Variants in EFHC2 observed in about 807,000 individuals in gnomAD.
The protein encoded by EFHC2 is EF-hand domain-containing family member C2.
In EFHC2, 18 loss-of-function variants were observed where a neutral mutation model predicts 52.7. The observed-to-expected ratio is 0.34, with a 90% confidence interval of 0.24 to 0.51. The LOEUF (loss-of-function observed/expected upper bound fraction) is 0.51, where lower values mean the gene tolerates loss of function less well. EFHC2 is among the 20% of genes least tolerant of loss of function. The probability of loss-of-function intolerance (pLI) is 0.97; values close to 1 mark genes in which losing one functional copy is unlikely to be tolerated. For synonymous variants in EFHC2, 203 were observed against 204.1 expected (o/e 0.99, Z 0.04); for missense variants, 513 against 562.5 (o/e 0.91, Z 0.89).
chrX:44,191,027 A>T (rs1011824740), intron 11 of EFHC2, among the ~76,000 whole-genome samples: 6 of 111,788 alleles, frequency 5.4e-5, no homozygotes, highest in Non-Finnish European at 7.5e-5. Flanking sequence ...ATAAAAACTC[A>T]TCAAGTCTAT....
At chrX:44,298,466 T>C (rs1337473179) in intron 2 of EFHC2, among the ~76,000 whole-genome samples, 5 of 111,548 alleles carry the variant, frequency 4.5e-5, no homozygotes, top group Admixed American at 9.6e-5. Flanking sequence ...ATTGGGGGAA[T>C]AAGGGAACCT....
intron 13 of EFHC2, among the ~76,000 whole-genome samples, chrX:44,172,964 G>A (rs1465088103): frequency 9.0e-6 from 1 of 111,513 alleles, no homozygotes; most frequent in Non-Finnish European, 1.9e-5. Flanking sequence ...AGGGGCTGAG[G>A]TAACCAGGTA....
At chrX:44,156,259 G>C (rs1249643691) in intron 14 of EFHC2, among the ~76,000 whole-genome samples, 1 of 112,025 alleles carries the variant, frequency 8.9e-6, no homozygotes, top group African/African-American at 3.2e-5. Flanking sequence ...GTATGTGTTT[G>C]CCAGTTATTT....
chrX:44,301,743 T>C (rs774876394), intron 2 of EFHC2, among the ~76,000 whole-genome samples: 1 of 112,061 alleles, frequency 8.9e-6, no homozygotes, highest in African/African-American at 3.2e-5. Flanking sequence ...TTGCCTTTTC[T>C]AGGATTTCAT....
intron 2 of EFHC2, among the ~76,000 whole-genome samples, chrX:44,280,030 TACACACACAC>T (rs766337222): frequency 6.0e-5 from 4 of 66,832 alleles, no homozygotes; most frequent in African/African-American, 1.8e-4. Flanking sequence ...CCATCCCCCA[TACACACACAC>T]ACACACACAC....
chrX:44,245,972 G>A lies in EFHC2; in HGVS notation c.1111+2300C>T, dbSNP rs745924111. 2.1e-4 allele frequency among the ~76,000 whole-genome samples: 23 copies of A among 111,448 alleles called. No individual in the cohort carries two copies. The South Asian group carries it at 7.8e-3, about 38-fold the overall frequency. On this transcript the variant is annotated intron_variant, in intron 7 of 14. Transcript: ENST00000420999. ...GCTGCTTGTCAGATCCTTCCTGCGT[G>A]CTGCACAGTGGAGATACCCAGGTTT...
chrX:44,310,971 C>G (rs2037944177), intron 2 of EFHC2, among the ~76,000 whole-genome samples: 1 of 112,025 alleles, frequency 8.9e-6, no homozygotes, highest in Admixed American at 9.5e-5. Flanking sequence ...TACATTGTGG[C>G]CTACGATACT....
chrX:44,280,221 A>G (rs901673043), intron 2 of EFHC2, among the ~76,000 whole-genome samples: 4 of 111,099 alleles, frequency 3.6e-5, no homozygotes, highest in African/African-American at 1.3e-4. Context: ...ACAAGCAAAC[A>G]GAATTTAATA....
intron 9 of EFHC2, among the ~76,000 whole-genome samples, chrX:44,234,208 A>C (rs781261410): frequency 8.9e-6 from 1 of 111,987 alleles, no homozygotes; most frequent in African/African-American, 3.2e-5. Flanking sequence ...GATAATAGTA[A>C]GTTCTCAATC....
intron 2 of EFHC2, among the ~76,000 whole-genome samples, chrX:44,306,309 C>A (rs1414787616): frequency 5.4e-5 from 6 of 111,272 alleles, no homozygotes; most frequent in African/African-American, 2.0e-4. Flanking sequence ...GTAAATGGAC[C>A]CAGTTTGGTT....
At chrX:44,309,768 A>G (rs2037932357) in intron 2 of EFHC2, 8 of 991,504 alleles carry the variant, frequency 8.1e-6, no homozygotes, top group Non-Finnish European at 1.0e-5. Context: ...CAAAAGAACC[A>G]GAAAAGAAGA....
intron 1 of EFHC2, among the ~76,000 whole-genome samples, chrX:44,315,136 G>A (rs776166873): frequency 9.1e-6 from 1 of 110,387 alleles, no homozygotes; most frequent in South Asian, 3.9e-4. Context: ...GTTTAAAAGA[G>A]TCTGGGACCT....
intron 10 of EFHC2, among the ~76,000 whole-genome samples, chrX:44,230,368 G>A (rs766877935): frequency 4.4e-4 from 49 of 111,491 alleles, no homozygotes; most frequent in South Asian, 1.5e-3. Flanking sequence ...ACATAAGGTC[G>A]TAAATAATTA....
chrX:44,322,848 G>C (rs752591812), intron 1 of EFHC2, among the ~76,000 whole-genome samples: 27 of 110,849 alleles, frequency 2.4e-4, no homozygotes, highest in Middle Eastern at 9.3e-3. Context: ...CCCCGTCTCT[G>C]CTAAAAATAC....
rs2037287572 is a variant in EFHC2 at position 44,232,666 on chromosome X, C to T, written c.1435G>A (p.Gly479Arg). 1.7e-6 allele frequency: 2 copies of T among 1,190,310 alleles called. No homozygotes were observed. The highest frequency in any genetic ancestry group is 2.3e-5 in the Admixed American group (1 of 43,081). The change falls in exon 10 of 15, where the codon GGG becomes AGG. Residue 479 changes from glycine (G) to arginine (R), a missense_variant. Physicochemically the swap from Gly to Arg is moderately radical, Grantham distance 125. Transcript: ENST00000420999. Reference sequence around the variant, plus strand: ...ACGCGACTTCTTTTCAAGAACATCCCACCAGCAATTCCTATAAAAAATAGA... The same window carrying T: ...ACGCGACTTCTTTTCAAGAACATCCTACCAGCAATTCCTATAAAAAATAGA... ...PIERNSGIAG[G>R]MFLKRSRVKK... is the part of the protein sequence containing the mutation.
chrX:44,266,521 G>A (rs936323695), intron 3 of EFHC2, among the ~76,000 whole-genome samples: 1 of 109,264 alleles, frequency 9.2e-6, no homozygotes, highest in Admixed American at 9.9e-5. Context: ...ATTTTTAGTC[G>A]ACGAGGTTTT....
At chrX:44,285,226 C>T (rs2037742159) in intron 2 of EFHC2, 1 of 111,672 alleles carries the variant, frequency 9.0e-6, no homozygotes, top group Non-Finnish European at 1.9e-5. Context: ...GTGATTATTC[C>T]ACCAGTTTTC....
intron 11 of EFHC2, among the ~76,000 whole-genome samples, chrX:44,192,417 G>A (rs1299358209): frequency 2.7e-5 from 3 of 111,322 alleles, no homozygotes; most frequent in Non-Finnish European, 3.8e-5. Flanking sequence ...ATTTTTAAGC[G>A]TTGTTTTGGA....
intron 14 of EFHC2, among the ~76,000 whole-genome samples, chrX:44,152,426 A>ATTCT (rs2036577035): frequency 9.0e-6 from 1 of 111,659 alleles, no homozygotes; most frequent in African/African-American, 3.3e-5. Flanking sequence ...TCTATTCAGA[A>ATTCT]GCAGCTGGCT....
Sources: allele counts gnomAD v4.1 joint callset (sites outside exome capture counted in the v4.1 genomes callset), GRCh38; gene constraint gnomAD v4.1.1; transcripts MANE v1.5; gene names NCBI Gene and HGNC (gene_info 2026-07-23, HGNC 2026-07-21).